Variants in RBFOX1 observed in about 807,000 individuals in gnomAD.
RBFOX1 encodes RNA binding protein fox-1 homolog 1.
Under a neutral mutation model 57.7 loss-of-function variants are expected in RBFOX1, and 8 were observed. The observed-to-expected ratio is 0.14, with a 90% CI of 0.08 to 0.25. The LOEUF (loss-of-function observed/expected upper bound fraction) is 0.25, where lower values mean the gene tolerates loss of function less well. Among genes scored for constraint, RBFOX1 ranks in the 10% least tolerant of loss-of-function variants. The pLI is 1.00. For synonymous variants in RBFOX1, 326 were observed against 222.4 expected (o/e 1.47, Z -4.15); for missense variants, 611 against 548.5 (o/e 1.11, Z -1.14).
At chr16:6,902,388 A>T (rs531821518) in intron 3 of RBFOX1, among the ~76,000 whole-genome samples, 1 of 152,194 alleles carries the variant, frequency 6.6e-6, no homozygotes, top group Non-Finnish European at 1.5e-5. Flanking sequence ...TGGAGCTATC[A>T]AGAGGAAAGT....
intron 1 of RBFOX1, among the ~76,000 whole-genome samples, chr16:6,127,657 C>T (rs1358321157): frequency 2.6e-5 from 4 of 152,126 alleles, no homozygotes; most frequent in African/African-American, 7.2e-5. Flanking sequence ...CCAGCAAGGA[C>T]AGTTTATGGC....
chr16:7,214,449 G>C (rs1018124210), intron 4 of RBFOX1, among the ~76,000 whole-genome samples: 3 of 151,730 alleles, frequency 2.0e-5, no homozygotes, highest in African/African-American at 7.3e-5. Flanking sequence ...CTAAATCACC[G>C]TGTCTTGCCA....
downstream of RBFOX1, among the ~76,000 whole-genome samples, chr16:5,604,433 G>T (rs757031497): frequency 3.9e-5 from 6 of 152,178 alleles, no homozygotes; most frequent in African/African-American, 1.4e-4. Context: ...GTGGCTGTAA[G>T]ATGCAGGCCC....
intron 14 of RBFOX1, among the ~76,000 whole-genome samples, chr16:7,705,406 G>C (rs964447400): frequency 2.0e-5 from 3 of 152,138 alleles, no homozygotes; most frequent in Admixed American, 6.5e-5. Flanking sequence ...TCGGGAGGCT[G>C]AGGCAGGAGA....
chr16:6,735,296 G>A (rs190147975), intron 3 of RBFOX1, among the ~76,000 whole-genome samples: 1 of 152,196 alleles, frequency 6.6e-6, no homozygotes, highest in African/African-American at 2.4e-5. Context: ...CCACTCACCA[G>A]TGGGTTCATG....
At chr16:6,598,575 A>G (rs1409611514) in intron 2 of RBFOX1, among the ~76,000 whole-genome samples, 1 of 152,238 alleles carries the variant, frequency 6.6e-6, no homozygotes, top group Non-Finnish European at 1.5e-5. Context: ...TTAAAAGTTC[A>G]ATATAAAAGG....
intron 3 of RBFOX1, among the ~76,000 whole-genome samples, chr16:6,937,160 A>T (rs753267834): frequency 1.3e-5 from 2 of 151,982 alleles, no homozygotes; most frequent in African/African-American, 4.8e-5. Flanking sequence ...ATCAAAAATG[A>T]TATTTTTTTC....
intron 1 of RBFOX1, among the ~76,000 whole-genome samples, chr16:6,048,171 T>A (rs965935400): frequency 6.6e-6 from 1 of 152,240 alleles, no homozygotes; most frequent in African/African-American, 2.4e-5. Flanking sequence ...GTAGGTATTA[T>A]GATCCTCATT....
At chr16:6,973,269 G>A (rs1298572722) in intron 3 of RBFOX1, among the ~76,000 whole-genome samples, 1 of 152,116 alleles carries the variant, frequency 6.6e-6, no homozygotes, top group Non-Finnish European at 1.5e-5. Flanking sequence ...GTAAGTACTT[G>A]GAATCAAGTT....
chr16:7,676,863 G>A lies in RBFOX1; in HGVS notation c.995+25G>A, dbSNP rs114454012. 3.1e-6 allele frequency: 5 copies of A among 1,588,466 alleles called. No homozygotes were observed. The South Asian group carries it at 4.4e-5, about 14-fold the overall frequency. On this transcript the variant is annotated intron_variant, in intron 14 of 15. Coordinates refer to ENST00000550418, the MANE Select transcript of RBFOX1 (RefSeq NM_018723.4). ...GGTAAGGGTCATCCTTCTTGTGCTT[G>A]ACAACTACTTGTAAATTAACTTAGT...
rs548342129 is a variant in RBFOX1, at chr16:6,932,200, C to G, written c.-15-119857C>G. Among the ~76,000 whole-genome samples, 12 of 152,244 alleles carry G rather than the reference C, an allele frequency of 7.9e-5. No homozygotes were observed. In the Middle Eastern group the frequency reaches 0.017, roughly 216 times the overall value. On this transcript the variant is annotated intron_variant, in intron 3 of 15. Coordinates refer to ENST00000550418, the MANE Select transcript of RBFOX1 (RefSeq NM_018723.4). ...CTCACTGCAACCTCCACCTCCTGTG[C>G]TTGAGTGATTTCCCTGCCTCGGCCT... is the stretch of plus-strand genomic sequence containing the variant.
chr16:6,959,358 T>C lies in RBFOX1; in HGVS notation c.-15-92699T>C, dbSNP rs377416937. ...TTGTTTTCAATACATCTGATAACCG[T>C]CACATTTGAATGGATTTTCAGAAAG... On this transcript the variant is annotated intron_variant, in intron 3 of 15. Coordinates refer to ENST00000550418, the MANE Select transcript of RBFOX1 (RefSeq NM_018723.4). 4.2e-4 allele frequency among the ~76,000 whole-genome samples: 64 copies of C among 152,316 alleles called. 2 individuals are homozygous for C. In the South Asian group the frequency reaches 0.013, roughly 31 times the overall value.
At chr16:7,288,556 C>T (rs1415634405) in intron 4 of RBFOX1, among the ~76,000 whole-genome samples, 1 of 152,200 alleles carries the variant, frequency 6.6e-6, no homozygotes, top group Non-Finnish European at 1.5e-5. Flanking sequence ...TGTGCTATTA[C>T]TGGCCGGAGA....
At chr16:6,797,522 C>T (rs1007702175) in intron 3 of RBFOX1, among the ~76,000 whole-genome samples, 3 of 152,128 alleles carry the variant, frequency 2.0e-5, no homozygotes, top group African/African-American at 4.8e-5. Context: ...GTTCCTGTGA[C>T]ATCATTCATT....
At chr16:5,661,716 A>T (rs1484903266) in intron 3 of RBFOX1, among the ~76,000 whole-genome samples, 1 of 152,214 alleles carries the variant, frequency 6.6e-6, no homozygotes, top group Non-Finnish European at 1.5e-5. Context: ...TGTCTTATCA[A>T]ATTTTAAGGA....
At chr16:5,446,536 A>T (rs2068244393) in intron 1 of RBFOX1, among the ~76,000 whole-genome samples, 1 of 152,018 alleles carries the variant, frequency 6.6e-6, no homozygotes, top group Non-Finnish European at 1.5e-5. Context: ...GGAGATCAAC[A>T]CCCTGTCCTC....
intron 2 of RBFOX1, among the ~76,000 whole-genome samples, chr16:6,579,282 T>C (rs1031489778): frequency 6.6e-6 from 1 of 152,010 alleles, no homozygotes; most frequent in African/African-American, 2.4e-5. Flanking sequence ...TCGCTCTCTG[T>C]AGGCTTGATC....
intron 4 of RBFOX1, among the ~76,000 whole-genome samples, chr16:7,053,769 A>T (rs1171469738): frequency 6.6e-6 from 1 of 152,166 alleles, no homozygotes; most frequent in Non-Finnish European, 1.5e-5. Flanking sequence ...ATAATGGTTC[A>T]TTTAGTTTAG....
At chr16:5,516,699 G>A (rs1472969641) in intron 2 of RBFOX1, among the ~76,000 whole-genome samples, 1 of 152,172 alleles carries the variant, frequency 6.6e-6, no homozygotes, top group African/African-American at 2.4e-5. Flanking sequence ...CCCAGTGGAA[G>A]GTAATTGAGT....
Sources: allele counts gnomAD v4.1 joint callset (sites outside exome capture counted in the v4.1 genomes callset), GRCh38; gene constraint gnomAD v4.1.1; transcripts MANE v1.5; gene names NCBI Gene and HGNC (gene_info 2026-07-23, HGNC 2026-07-21).